The following ZNF275 variants were observed in gnomAD, a reference collection of about 807,000 sequenced individuals.
ZNF275 encodes the protein zinc finger protein 275.
ZNF275 carries 4 observed loss-of-function variants against 4.3 expected under a neutral mutation model. That is an observed-to-expected ratio of 0.93 (90% CI 0.46 to 2.13). ZNF275 has a LOEUF of 2.13. Ranked by LOEUF, ZNF275 falls within the 30% of genes most tolerant of loss-of-function variation. The probability of loss-of-function intolerance (pLI) is 0.02; values close to 1 mark genes in which losing one functional copy is unlikely to be tolerated. For synonymous variants in ZNF275, 173 were observed against 166.9 expected (o/e 1.04, Z -0.28); for missense variants, 352 against 397.1 (o/e 0.89, Z 0.97).
chrX:153,347,374 T>C lies in ZNF275; in HGVS notation c.689T>C (p.Leu230Pro), dbSNP rs1489899941. Residue 230 changes from leucine (L) to proline (P), a missense_variant, in exon 4 of 4, where the codon CTT (leucine) becomes CCT (proline). Physicochemically the swap from Leu to Pro is moderately conservative, Grantham distance 98. Coordinates refer to ENST00000650114, the MANE Select transcript of ZNF275 (RefSeq NM_001367757.1). ...VNTHLFRHQK[L>P]HTSEKPFACK... ...ACCCACCTCTTCCGACATCAGAAAC[T>C]TCACACTTCGGAAAAGCCTTTCGCC... 1 of 1,210,971 alleles carries C rather than the reference T, an allele frequency of 8.3e-7. No individual in the cohort carries two copies. The highest frequency in any genetic ancestry group is 1.1e-6 in the Non-Finnish European group (1 of 895,294).
At position 153,347,567 on chromosome X, in the gene ZNF275, G is replaced by T; in HGVS notation, c.882G>T (p.Gly294=). 2 of 1,190,172 alleles carry T rather than the reference G, an allele frequency of 1.7e-6. No homozygotes were observed. The highest frequency in any genetic ancestry group is 1.9e-5 in the South Asian group (1 of 53,034). ...TCCACAGTGGGGCCAAGCCATACGGGTGTCCCCACTGCGGCAAGCTCTTCC... is the reference window on the plus strand; with the variant it reads ...TCCACAGTGGGGCCAAGCCATACGGTTGTCCCCACTGCGGCAAGCTCTTCC... ...QRIHSGAKPY[G]CPHCGKLFRR... Residue 294 remains glycine, a synonymous_variant, in exon 4 of 4, where the codon GGG becomes GGT. Transcript: ENST00000650114.
chrX:153,349,089 G>A lies in ZNF275; in HGVS notation c.*1114G>A, dbSNP rs1421811788. 1 of 123,673 alleles carries A rather than the reference G, an allele frequency of 8.1e-6. No individual in the cohort carries two copies. The highest frequency in any genetic ancestry group is 1.9e-5 in the Non-Finnish European group (1 of 53,353). The allele number at this position is 123,673 out of a possible 1,213,427, so 10.2% of individuals were successfully genotyped here. On this transcript the variant is annotated 3_prime_UTR_variant, in exon 4 of 4. Coordinates refer to ENST00000650114, the MANE Select transcript of ZNF275 (RefSeq NM_001367757.1). ...GATACATCTCAAGGACTCAAGTGCA[G>A]GGTGACGCCTCCTTTTGGAAATGAG...
rs1403777934 is a variant in ZNF275, at chrX:153,334,273, C to G, written c.-59C>G. ...TCCACCGAGGGCCGCGCGTCGGCCG[C>G]CGCCGGGCCTGGGTGAGTGTGCGGG... On this transcript the variant is annotated 5_prime_UTR_variant, in exon 1 of 4. Transcript: ENST00000650114. 8.9e-6 allele frequency: 1 copy of G among 112,440 alleles called. No individual in the cohort carries two copies. The highest frequency in any genetic ancestry group is 1.9e-5 in the Non-Finnish European group (1 of 53,073). The allele number at this position is 112,440 out of a possible 1,213,427, so 9.3% of individuals were successfully genotyped here.
At position 153,350,083 on chromosome X, in the gene ZNF275, A is replaced by T. The variant is rs1569528144; in HGVS notation, c.*2108A>T. On this transcript the variant is annotated 3_prime_UTR_variant, in exon 4 of 4. Coordinates refer to ENST00000650114, the MANE Select transcript of ZNF275 (RefSeq NM_001367757.1). ...TCACCCAAGAAACATCTCCTTGGACACAAGAAGACTTGCCTAGACCACATC... is the reference window on the plus strand; with the variant it reads ...TCACCCAAGAAACATCTCCTTGGACTCAAGAAGACTTGCCTAGACCACATC... The T allele has an allele frequency of 8.1e-6, 1 of 124,179 alleles. No individual in the cohort carries two copies. The highest frequency in any genetic ancestry group is 1.9e-5 in the Non-Finnish European group (1 of 53,435). 10.2% of individuals were successfully genotyped at this position (124,179 alleles called of 1,213,427 possible). A position where few individuals can be genotyped will look rare whatever the true frequency, so the allele number is the denominator to read the frequency against.
At chrX:153,340,180 G>A (rs1470529900) in intron 2 of ZNF275, among the ~76,000 whole-genome samples, 2 of 112,236 alleles carry the variant, frequency 1.8e-5, no homozygotes, top group Non-Finnish European at 3.8e-5. Flanking sequence ...CTGAGCACCC[G>A]AGGATGAACA....
chrX:153,342,656 T>A (rs2088486443), intron 2 of ZNF275, among the ~76,000 whole-genome samples: 1 of 111,885 alleles, frequency 8.9e-6, no homozygotes, highest in African/African-American at 3.3e-5. Context: ...ATGTCCCAGG[T>A]GATCACAGAG....
intron 2 of ZNF275, chrX:153,344,439 A>G (rs1933750354): frequency 3.7e-6 from 1 of 270,863 alleles, no homozygotes; most frequent in Non-Finnish European, 6.9e-6. Flanking sequence ...CATCCAGGAA[A>G]GTGATTGAAT....
chrX:153,334,873 G>C (rs782723617), intron 1 of ZNF275, among the ~76,000 whole-genome samples: 5 of 23,414 alleles, frequency 2.1e-4, no homozygotes, highest in East Asian at 0.016. Context: ...GGTGGGAGTG[G>C]GGGGGGGCGG....
At position 153,352,448 on chromosome X, in the gene ZNF275, A is replaced by G. The variant is rs782614819; in HGVS notation, c.*4473A>G. The G allele has an allele frequency of 1.8e-5, 2 of 112,212 alleles. No individual in the cohort carries two copies. Among genetic ancestry groups the G allele is most frequent in the Non-Finnish European group, 3.8e-5 (2 of 53,237 alleles). The allele number at this position is 112,212 out of a possible 1,213,427, so 9.2% of individuals were successfully genotyped here. ...CGGGCCATAAAATGAGTGAAATCAC[A>G]GTGCACCCTGTTCTCTTATTTTTGA... is the stretch of plus-strand genomic sequence containing the variant. On this transcript the variant is annotated 3_prime_UTR_variant, in exon 4 of 4. Transcript: ENST00000650114.
rs782140192 is a variant in ZNF275, at chrX:153,345,528, G to A, written c.40G>A (p.Val14Ile). Residue 14 changes from valine to isoleucine, a missense_variant, in exon 3 of 4, where the codon GTT becomes ATT. Transcript: ENST00000650114. ...TCCTTTCCCATGAGCAGGCGTTCCTGTTTTAAATCCTGCCTTGGTCCCTCA... is the reference window on the plus strand; with the variant it reads ...TCCTTTCCCATGAGCAGGCGTTCCTATTTTAAATCCTGCCTTGGTCCCTCA... Reference protein sequence around the residue: ...HPCVSLLGVPVLNPALVPHLA... With the variant: ...HPCVSLLGVPILNPALVPHLA... 11 of 1,208,143 alleles carry A rather than the reference G, an allele frequency of 9.1e-6. No homozygotes were observed. Among genetic ancestry groups the A allele is most frequent in the East Asian group, 8.9e-5 (3 of 33,718 alleles).
In ZNF275 at chrX:153,345,494, T is replaced by C. The variant is rs1556961439; in HGVS notation, c.32-26T>C. On this transcript the variant is annotated intron_variant, in intron 2 of 3. Coordinates refer to ENST00000650114, the MANE Select transcript of ZNF275 (RefSeq NM_001367757.1). The stretch of plus-strand genomic sequence containing the variant: ...CTCATGTCATCTCTGGCTGTTGCCA[T>C]AACCAATCTCCTTTCCCATGAGCAG... 5.2e-6 allele frequency: 6 copies of C among 1,164,921 alleles called. No homozygotes were observed. The Admixed American group carries it at 1.1e-4, about 21-fold the overall frequency.
Position 153,334,260 on chromosome X carries a change from C to T in ZNF275, c.-72C>T. Reference sequence around the variant, plus strand: ...GCGCCAGCGCCGCTCCACCGAGGGCCGCGCGTCGGCCGCCGCCGGGCCTGG... The same window carrying T: ...GCGCCAGCGCCGCTCCACCGAGGGCTGCGCGTCGGCCGCCGCCGGGCCTGG... On this transcript the variant is annotated 5_prime_UTR_variant, in exon 1 of 4. Transcript: ENST00000650114. 8.9e-6 allele frequency: 1 copy of T among 112,389 alleles called. No individual in the cohort carries two copies. Among genetic ancestry groups the T allele is most frequent in the Middle Eastern group, 4.6e-3 (1 of 217 alleles). 9.3% of individuals were successfully genotyped at this position (112,389 alleles called of 1,213,427 possible). A position where few individuals can be genotyped will look rare whatever the true frequency, so the allele number is the denominator to read the frequency against.
At chrX:153,335,857 T>G (rs1261345768) in intron 1 of ZNF275, among the ~76,000 whole-genome samples, 2 of 110,095 alleles carry the variant, frequency 1.8e-5, no homozygotes, top group Admixed American at 9.6e-5. Flanking sequence ...CCCACATGAG[T>G]TCTTAGTGAA....
At chrX:153,346,459 T>C (rs142746300) in intron 3 of ZNF275, among the ~76,000 whole-genome samples, 1,509 of 109,535 alleles carry the variant, frequency 0.014, 29 homozygotes, top group African/African-American at 0.047. Context: ...AGCTGAGCTC[T>C]TGATGGTGAG....
chrX:153,344,318 C>T (rs925034541), intron 2 of ZNF275: 5 of 266,916 alleles, frequency 1.9e-5, no homozygotes, highest in Non-Finnish European at 2.8e-5. Context: ...AGAGTATGAA[C>T]CCCAGCTGCT....
At chrX:153,336,845 C>A in intron 2 of ZNF275, 135 bp downstream of exon 2, 2 of 604,478 alleles carry the variant, frequency 3.3e-6, no homozygotes, top group Non-Finnish European at 2.7e-6. Flanking sequence ...TTCATCTGTG[C>A]CACTGTTGCT....
At position 153,335,141 on chromosome X, in the gene ZNF275, G is replaced by A. The variant is rs923339393; in HGVS notation, c.-47+856G>A. 3.9e-5 allele frequency among the ~76,000 whole-genome samples: 4 copies of A among 103,210 alleles called. No individual in the cohort carries two copies. In the East Asian group the frequency reaches 1.2e-3, roughly 32 times the overall value. 89.6% of individuals were successfully genotyped at this position (103,210 alleles called of 115,157 possible). A position where few individuals can be genotyped will look rare whatever the true frequency, so the allele number is the denominator to read the frequency against. ...CACACACACCCCCCACTCGCCTGCC[G>A]CCCAAAGTCCATGGTCCCTTTCAAA... On this transcript the variant is annotated intron_variant, in intron 1 of 3. Coordinates refer to ENST00000650114, the MANE Select transcript of ZNF275 (RefSeq NM_001367757.1).
intron 2 of ZNF275, chrX:153,343,512 T>C (rs2088492476): frequency 3.1e-6 from 1 of 320,262 alleles, no homozygotes; most frequent in Admixed American, 3.4e-5. Context: ...TTGAAGATCT[T>C]TTCTTTGAGG....
At chrX:153,334,370 G>C (rs1380567731) in intron 1 of ZNF275, 85 bp downstream of exon 1, 2 of 110,922 alleles carry the variant, frequency 1.8e-5, no homozygotes, top group African/African-American at 3.3e-5. Context: ...GCAGGAGGAC[G>C]TGTGGACCTG....
Sources: gnomAD v4.1 joint callset for allele counts (sites outside exome capture counted in the v4.1 genomes callset) on GRCh38, gnomAD v4.1.1 for gene constraint, MANE v1.5 for transcripts, NCBI Gene and HGNC (gene_info 2026-07-23, HGNC 2026-07-21) for gene names.